Variants in B4GALT3 observed in about 807,000 individuals in gnomAD.
The protein encoded by B4GALT3 is beta-1,4-galactosyltransferase 3.
A neutral mutation model predicts 40.7 loss-of-function variants in B4GALT3; 29 were observed. The observed-to-expected ratio is 0.71, with a 90% confidence interval of 0.53 to 0.97. The LOEUF (loss-of-function observed/expected upper bound fraction) is 0.97. Ranked by LOEUF, B4GALT3 falls within the 50% of genes least tolerant of loss-of-function variation. B4GALT3 has a pLI of 0.00. For missense variants in B4GALT3, 390 were observed against 522.3 expected (o/e 0.75, Z 2.47); for synonymous variants, 182 against 203.9 (o/e 0.89, Z 0.92).
intron 1 of B4GALT3, chr1:161,176,781 C>T: frequency 2.2e-6 from 3 of 1,390,934 alleles, no homozygotes; most frequent in Admixed American, 4.0e-5. Flanking sequence ...ACCCCCGTAC[C>T]CCCACCCCAA....
In B4GALT3 at chr1:161,171,805, G is replaced by A; in HGVS notation, c.*11C>T. On this transcript the variant is annotated 3_prime_UTR_variant, in exon 8 of 8. Coordinates refer to ENST00000319769, the MANE Select transcript of B4GALT3 (RefSeq NM_003779.4). ...TTCGGTTTCATGATTAAGGTAGACA[G>A]GAAGGAGGAGTCAGTGTGAACCTCG... is the stretch of plus-strand genomic sequence containing the variant. 6.2e-7 allele frequency: 1 copy of A among 1,613,660 alleles called. No homozygotes were observed. Among genetic ancestry groups the A allele is most frequent in the East Asian group, 2.2e-5 (1 of 44,874 alleles).
chr1:161,173,864 T>C lies in B4GALT3; in HGVS notation c.675A>G (p.Gly225=). The C allele has an allele frequency of 6.2e-7, 1 of 1,613,762 alleles. No homozygotes were observed. The highest frequency in any genetic ancestry group is 8.5e-7 in the Non-Finnish European group (1 of 1,179,816). ...RHVAVAMNKF[G]YSLPYPQYFG... ...TACCCTTCCATGCCCTCTACCTGTA[T>C]CCAAACTTGTTCATAGCAACGGCAA... Residue 225 remains glycine (G), a synonymous_variant, in exon 5 of 8, where the codon GGA becomes GGG. Transcript: ENST00000319769.
chr1:161,177,042 G>C (rs1288781485), intron 1 of B4GALT3: 1 of 1,536,032 alleles, frequency 6.5e-7, no homozygotes, highest in Admixed American at 2.0e-5. Flanking sequence ...AGTAGGGTGG[G>C]GGTGGCGTCC....
chr1:161,174,932 G>A, intron 4 of B4GALT3, 61 bp downstream of exon 4: 4 of 1,522,698 alleles, frequency 2.6e-6, no homozygotes, highest in Admixed American at 1.7e-5. Context: ...AAGTGAAGTG[G>A]CATGTGCTTG....
chr1:161,173,996 C>T lies in B4GALT3; in HGVS notation c.543G>A (p.Glu181=), dbSNP rs1662478726. 1 of 1,614,150 alleles carries T rather than the reference C, an allele frequency of 6.2e-7. No individual in the cohort carries two copies. Among genetic ancestry groups the T allele is most frequent in the Non-Finnish European group, 8.5e-7 (1 of 1,180,040 alleles). The part of the protein sequence containing the change: ...RAKLLNVGVR[E]ALRDEEWDCL... ...AGTCCCACTCTTCATCACGCAGGGC[C>T]TCTCGCACCCCAACGTTCAACAGTT... Residue 181 remains glutamate (E), a synonymous_variant, in exon 5 of 8, where the codon GAG becomes GAA. Coordinates refer to ENST00000319769, the MANE Select transcript of B4GALT3 (RefSeq NM_003779.4).
chr1:161,172,556 A>G, intron 6 of B4GALT3: 2 of 506,828 alleles, frequency 3.9e-6, no homozygotes, highest in Non-Finnish European at 6.9e-6. Context: ...AGGGCCTTTA[A>G]ACAGTTGGCA....
chr1:161,171,862 C>G lies in B4GALT3; in HGVS notation c.1136G>C (p.Gly379Ala), dbSNP rs771490999. Residue 379 changes from glycine to alanine, a missense_variant, in exon 8 of 8, where the codon GGG becomes GCG. Around this residue, in one of 3 missense-constraint regions of B4GALT3, gnomAD observed 72 missense variants for 71.3 expected, o/e 1.01. Transcript: ENST00000319769. ...MLQRRPPARP[G>A]PLSTANHTAL... ...TGTGTGGTTGGCAGTAGATAGAGGCCCAGGCCTGGCTGGGGGCCGGCGTTG... is the reference window on the plus strand; with the variant it reads ...TGTGTGGTTGGCAGTAGATAGAGGCGCAGGCCTGGCTGGGGGCCGGCGTTG... 5.0e-6 allele frequency: 8 copies of G among 1,613,992 alleles called. No individual in the cohort carries two copies. The Admixed American group carries it at 8.3e-5, about 17-fold the overall frequency.
At chr1:161,172,585 C>T (rs993522428) in intron 6 of B4GALT3, among the ~76,000 whole-genome samples, 16 of 152,244 alleles carry the variant, frequency 1.1e-4, no homozygotes, top group South Asian at 4.1e-4. Flanking sequence ...CCTTGGCTTC[C>T]TAAAGGGCTC....
intron 7 of B4GALT3, 58 bp from the exon 8 acceptor site, chr1:161,172,147 C>G (rs1484679241): frequency 2.5e-6 from 4 of 1,611,778 alleles, no homozygotes; most frequent in Non-Finnish European, 1.7e-6. Flanking sequence ...AATCTAGGGA[C>G]CTTTAGGATT....
intron 3 of B4GALT3, 36 bp from the exon 4 acceptor site, chr1:161,175,264 G>A (rs781485689): frequency 9.2e-5 from 145 of 1,573,608 alleles, no homozygotes; most frequent in Non-Finnish European, 1.2e-4. Context: ...GGGATCAGAG[G>A]GGCAAAGAGA....
Position 161,172,006 on chromosome 1 carries a change from A to C in B4GALT3, c.992T>G (p.Leu331Arg), listed in dbSNP as rs1349871369. ...SLTYQLLARELGPLYTNITAD... is the reference protein window; with the variant it reads ...SLTYQLLARERGPLYTNITAD... ...TGTGATGTTGGTATAAAGAGGCCCC[A>C]GCTCTCGAGCCAGCAACTGGTATGT... The change falls in exon 8 of 8, where the codon CTG (leucine) becomes CGG (arginine). Residue 331 changes from leucine to arginine, a missense_variant. This residue lies in a region of B4GALT3 where 135 missense variants were observed against 227.8 expected (regional missense o/e 0.59). Transcript: ENST00000319769. 1 of 1,614,188 alleles carries C rather than the reference A, an allele frequency of 6.2e-7. No individual in the cohort carries two copies. The highest frequency in any genetic ancestry group is 1.1e-5 in the South Asian group (1 of 91,082).
At chr1:161,174,707 G>A (rs958165844) in intron 4 of B4GALT3, among the ~76,000 whole-genome samples, 3 of 152,136 alleles carry the variant, frequency 2.0e-5, no homozygotes, top group African/African-American at 7.2e-5. Context: ...AACAAGTGAC[G>A]GAACTAGAAT....
rs1663600600 is a variant in B4GALT3, at chr1:161,176,561, G to T, written c.-142C>A. 2.1e-6 allele frequency: 1 copy of T among 482,124 alleles called. No homozygotes were observed. Among genetic ancestry groups the T allele is most frequent in the Non-Finnish European group, 3.7e-6 (1 of 266,718 alleles). The allele number at this position is 482,124 out of a possible 1,614,324, so 29.9% of individuals were successfully genotyped here. On this transcript the variant is annotated 5_prime_UTR_variant, in exon 2 of 8. The change creates a new upstream start codon in the 5' untranslated region. Transcript: ENST00000319769. ...GAGAAAGGCTCCATCCAGCACTCCA[G>T]CAGCGAATCTGGGACCAGCTGGAAC...
intron 2 of B4GALT3, 164 bp from the exon 3 acceptor site, chr1:161,176,238 T>C (rs1428282207): frequency 1.3e-6 from 1 of 778,932 alleles, no homozygotes; most frequent in African/African-American, 1.7e-5. Context: ...GGAAACAGAA[T>C]GTAACCACCA....
At chr1:161,172,415 A>C in intron 6 of B4GALT3, 84 bp from the exon 7 acceptor site, 2 of 1,230,414 alleles carry the variant, frequency 1.6e-6, no homozygotes, top group Non-Finnish European at 1.1e-6. Context: ...CACACAAAAA[A>C]ACAACTATTA....
rs1453404795 is a variant in B4GALT3 at position 161,171,385 on chromosome 1, T to C, written c.*431A>G. The C allele has an allele frequency of 1.5e-5, 13 of 853,364 alleles. No homozygotes were observed. Among genetic ancestry groups the C allele is most frequent in the Non-Finnish European group, 2.0e-5 (11 of 557,652 alleles). The allele number at this position is 853,364 out of a possible 1,614,324, so 52.9% of individuals were successfully genotyped here. ...AGCCAGGACCAGAAGAGGGAGCTAT[T>C]CCAGCATAGGCAGAAAATGCCCAGG... On this transcript the variant is annotated 3_prime_UTR_variant, in exon 8 of 8. Coordinates refer to ENST00000319769, the MANE Select transcript of B4GALT3 (RefSeq NM_003779.4).
At chr1:161,176,970 T>C (rs1663784344) in intron 1 of B4GALT3, 2 of 1,535,900 alleles carry the variant, frequency 1.3e-6, no homozygotes, top group Non-Finnish European at 1.7e-6. Context: ...TGCCAACTCC[T>C]CAGGTGCAGG....
intron 6 of B4GALT3, among the ~76,000 whole-genome samples, chr1:161,172,906 G>A (rs146409932): frequency 1.0e-3 from 156 of 151,644 alleles, no homozygotes; most frequent in Non-Finnish European, 1.7e-3. Context: ...AAAAGAAAAG[G>A]GTAGAACCAG....
At chr1:161,174,198 G>A (rs1211073671) in intron 4 of B4GALT3, 149 bp from the exon 5 acceptor site, 36 of 763,234 alleles carry the variant, frequency 4.7e-5, no homozygotes, top group Non-Finnish European at 7.2e-5. Flanking sequence ...ACAAGGTCAG[G>A]AGATTGAGAC....
Sources: allele counts gnomAD v4.1 joint callset (sites outside exome capture counted in the v4.1 genomes callset), GRCh38; gene constraint gnomAD v4.1.1; regional missense constraint gnomAD v4.1.1; transcripts MANE v1.5; gene names NCBI Gene and HGNC (gene_info 2026-07-23, HGNC 2026-07-21).